The following HMCN1 variants were observed in gnomAD, a reference collection of about 807,000 sequenced individuals.
HMCN1 encodes the protein hemicentin 1, also known as hemicentin-1.
HMCN1 carries 321 observed loss-of-function variants against 625.9 expected under a neutral mutation model. That is an observed-to-expected ratio of 0.51 (90% CI 0.47 to 0.56). The LOEUF is 0.56. Ranked by LOEUF, HMCN1 falls within the 20% of genes least tolerant of loss-of-function variation. The probability of loss-of-function intolerance (pLI) is 0.00; values close to 1 mark genes in which losing one functional copy is unlikely to be tolerated. For synonymous variants in HMCN1, 2,425 were observed against 2,417.6 expected (o/e 1.00, Z -0.09); for missense variants, 6,588 against 6,887.3 (o/e 0.96, Z 1.54).
intron 75 of HMCN1, among the ~76,000 whole-genome samples, chr1:186,116,178 T>G (rs1231720295): frequency 1.3e-5 from 2 of 152,178 alleles, no homozygotes; most frequent in Non-Finnish European, 2.9e-5. Flanking sequence ...GTTCAGTGAC[T>G]TGAAAGTATA....
intron 62 of HMCN1, 39 bp from the exon 63 acceptor site, chr1:186,088,567 G>GT (rs759926219): frequency 3.8e-5 from 61 of 1,599,880 alleles, no homozygotes; most frequent in Middle Eastern, 1.7e-4. Context: ...AAGTTTAAAG[G>GT]TTTTTTTATG....
intron 100 of HMCN1, among the ~76,000 whole-genome samples, chr1:186,167,260 A>G (rs1446482252): frequency 6.6e-6 from 1 of 152,232 alleles, no homozygotes; most frequent in African/African-American, 2.4e-5. Context: ...TGCACAGTCC[A>G]ATAAAATCTA....
Position 186,048,153 on chromosome 1 carries a change from A to G in HMCN1, c.6481-590A>G, listed in dbSNP as rs1656696092. Among the ~76,000 whole-genome samples, 3 of 152,134 alleles carry G rather than the reference A, an allele frequency of 2.0e-5. No homozygotes were observed. In the South Asian group the frequency reaches 6.2e-4, roughly 32 times the overall value. ...TCTCTTTATATCTCCTACCTACACT[A>G]CCTAGCACAAGGGTTGTAATAACTG... On this transcript the variant is annotated intron_variant, in intron 41 of 106. Coordinates refer to ENST00000271588, the MANE Select transcript of HMCN1 (RefSeq NM_031935.3).
intron 1 of HMCN1, among the ~76,000 whole-genome samples, chr1:185,838,007 G>A (rs1444303791): frequency 6.6e-6 from 1 of 152,208 alleles, no homozygotes; most frequent in Non-Finnish European, 1.5e-5. Context: ...GCATCTAGAA[G>A]AGAAGATCCT....
intron 4 of HMCN1, among the ~76,000 whole-genome samples, chr1:185,867,782 C>T (rs563522647): frequency 1.1e-4 from 16 of 152,046 alleles, no homozygotes; most frequent in African/African-American, 3.9e-4. Flanking sequence ...TAGAGATTCC[C>T]AAAACAGGCT....
chr1:185,922,871 A>C (rs190098886), intron 7 of HMCN1, among the ~76,000 whole-genome samples: 1 of 152,288 alleles, frequency 6.6e-6, no homozygotes, highest in Admixed American at 6.5e-5. Context: ...GAAATCTATA[A>C]ATTACCTATT....
chr1:185,910,747 T>A (rs904236973), intron 5 of HMCN1, among the ~76,000 whole-genome samples: 1 of 151,952 alleles, frequency 6.6e-6, no homozygotes, highest in African/African-American at 2.4e-5. Flanking sequence ...ATTTTTGTAT[T>A]TTTAGTAGAG....
intron 8 of HMCN1, 57 bp from the exon 9 acceptor site, chr1:185,924,987 TAAC>T: frequency 7.0e-7 from 1 of 1,427,828 alleles, no homozygotes; most frequent in Non-Finnish European, 9.6e-7. Context: ...AGGCAGTACT[TAAC>T]ATCATTGTGA....
intron 69 of HMCN1, among the ~76,000 whole-genome samples, chr1:186,105,948 A>G (rs1660588938): frequency 6.6e-6 from 1 of 152,228 alleles, no homozygotes; most frequent in Non-Finnish European, 1.5e-5. Context: ...TCATTTTAAA[A>G]TTCTTAATTG....
intron 6 of HMCN1, among the ~76,000 whole-genome samples, chr1:185,912,604 A>G (rs1249843682): frequency 6.6e-6 from 1 of 151,954 alleles, no homozygotes; most frequent in African/African-American, 2.4e-5. Context: ...TTCCCAATCT[A>G]GTATCTGCAT....
chr1:186,165,478 A>G (rs1651822022), intron 98 of HMCN1, among the ~76,000 whole-genome samples: 1 of 152,210 alleles, frequency 6.6e-6, no homozygotes, highest in Non-Finnish European at 1.5e-5. Flanking sequence ...GCAGACAGAC[A>G]ATGCTATACT....
rs35031310 is a variant in HMCN1, at chr1:185,797,965, CAAAAAAAAAAAAAAAAAAA to C, written c.269-48048_269-48030del. 2.0e-3 allele frequency among the ~76,000 whole-genome samples: 27 copies of C among 13,666 alleles called. 2 individuals carry two copies. Among genetic ancestry groups the C allele is most frequent in the African/African-American group, 5.1e-3 (16 of 3,142 alleles). 9.0% of individuals were successfully genotyped at this position (13,666 alleles called of 152,430 possible). On this transcript the variant is annotated intron_variant, in intron 1 of 106. Coordinates refer to ENST00000271588, the MANE Select transcript of HMCN1 (RefSeq NM_031935.3). ...TGGGCGACAGAGCGAGACTCCGTCT[CAAAAAAAAAAAAAAAAAAA>C]AAAAAAAAAAAAGACTTGTTTTATA...
chr1:185,859,179 T>C (rs1366131778), intron 2 of HMCN1, among the ~76,000 whole-genome samples: 1 of 151,608 alleles, frequency 6.6e-6, no homozygotes, highest in Non-Finnish European at 1.5e-5. Context: ...AAGGGAATAA[T>C]TTGTAGATTT....
At chr1:186,018,430 C>A in intron 34 of HMCN1, 78 bp downstream of exon 34, 1 of 1,319,422 alleles carries the variant, frequency 7.6e-7, no homozygotes, top group Non-Finnish European at 1.1e-6. Context: ...CAGATTGTAG[C>A]TCAATAATGT....
Position 186,187,971 on chromosome 1 carries a change from A to C in HMCN1, c.16503A>C (p.Thr5501=). The change falls in exon 106 of 107, where the codon ACA becomes ACC. Residue 5501 remains threonine (T), a synonymous_variant. Coordinates refer to ENST00000271588, the MANE Select transcript of HMCN1 (RefSeq NM_031935.3). The stretch of plus-strand genomic sequence containing the variant: ...GAGGAAGCTACCAGTGCATCGATAC[A>C]CCCTGTCCACCCAACTACCAACGGG... ...NMRGSYQCID[T]PCPPNYQRDP... is the part of the protein sequence containing the mutation. 1 of 1,613,772 alleles carries C rather than the reference A, an allele frequency of 6.2e-7. No individual in the cohort carries two copies. The highest frequency in any genetic ancestry group is 1.7e-5 in the Admixed American group (1 of 59,982).
intron 30 of HMCN1, among the ~76,000 whole-genome samples, chr1:186,014,715 C>T (rs1359762197): frequency 6.6e-6 from 1 of 152,036 alleles, no homozygotes; most frequent in Non-Finnish European, 1.5e-5. Context: ...ATTGAAGACT[C>T]TGCAGCTATT....
intron 57 of HMCN1, among the ~76,000 whole-genome samples, chr1:186,085,487 T>G (rs1285416834): frequency 2.6e-5 from 4 of 152,098 alleles, no homozygotes; most frequent in African/African-American, 9.7e-5. Flanking sequence ...TAAGGAATCA[T>G]TTGACCTTAA....
At chr1:185,825,484 T>C (rs1051382465) in intron 1 of HMCN1, among the ~76,000 whole-genome samples, 1 of 152,196 alleles carries the variant, frequency 6.6e-6, no homozygotes, top group Non-Finnish European at 1.5e-5. Flanking sequence ...AAATATTGTG[T>C]GTCTGGAGTT....
intron 15 of HMCN1, among the ~76,000 whole-genome samples, chr1:185,975,859 G>C (rs929370277): frequency 5.0e-4 from 76 of 151,998 alleles, no homozygotes; most frequent in African/African-American, 1.8e-3. Context: ...TGTACTGGGT[G>C]AAGGTTGCTG....
Sources: gnomAD v4.1 joint callset for allele counts (sites outside exome capture counted in the v4.1 genomes callset) on GRCh38, gnomAD v4.1.1 for gene constraint, MANE v1.5 for transcripts, NCBI Gene and HGNC (gene_info 2026-07-23, HGNC 2026-07-21) for gene names.